Variants in STK33 observed in about 807,000 individuals in gnomAD.
STK33 encodes the protein serine/threonine kinase 33.
Under a neutral mutation model 58.0 loss-of-function variants are expected in STK33, and 52 were observed. That is an observed-to-expected ratio of 0.90 (90% CI 0.72 to 1.13). STK33 has a LOEUF of 1.13. Among genes scored for constraint, STK33 ranks in the 50% most tolerant of loss-of-function variants. The pLI is 0.00. For synonymous variants in STK33, 215 were observed against 200.1 expected, an observed-to-expected ratio of 1.07 and a Z score of -0.63; for missense variants, 630 against 604.2, an observed-to-expected ratio of 1.04 and a Z score of -0.45.
intron 11 of STK33, among the ~76,000 whole-genome samples, chr11:8,441,927 G>A (rs1036316406): frequency 6.6e-6 from 1 of 151,914 alleles, no homozygotes; most frequent in South Asian, 2.1e-4. Flanking sequence ...CATATATTAA[G>A]TGACTTGCCT....
At chr11:8,457,557 C>T in intron 8 of STK33, 78 bp from the exon 9 acceptor site, 1 of 1,171,850 alleles carries the variant, frequency 8.5e-7, no homozygotes, top group Non-Finnish European at 1.2e-6. Flanking sequence ...ATCACATATA[C>T]AATCACAGTC....
intron 15 of STK33, among the ~76,000 whole-genome samples, chr11:8,411,676 G>C (rs761020267): frequency 1.5e-4 from 23 of 152,154 alleles, no homozygotes; most frequent in Non-Finnish European, 2.6e-4. Flanking sequence ...GCCTTCCAGA[G>C]TCTGCTTGAA....
intron 1 of STK33, among the ~76,000 whole-genome samples, chr11:8,529,786 C>A (rs1455556252): frequency 6.6e-6 from 1 of 152,138 alleles, no homozygotes; most frequent in Non-Finnish European, 1.5e-5. Flanking sequence ...CAAGGCAATG[C>A]ATTTTCTTCA....
At chr11:8,475,947 T>G (rs567245633) in intron 4 of STK33, 1 of 152,212 alleles carries the variant, frequency 6.6e-6, no homozygotes, top group African/African-American at 2.4e-5. Flanking sequence ...TAAACTTGAC[T>G]AGAATAGGAA....
At chr11:8,419,292 C>T (rs1941575769) in intron 14 of STK33, among the ~76,000 whole-genome samples, 1 of 152,162 alleles carries the variant, frequency 6.6e-6, no homozygotes, top group South Asian at 2.1e-4. Flanking sequence ...TTTTAATCTT[C>T]TGCATATGGC....
chr11:8,342,818 T>A, the STK33 span, among the ~76,000 whole-genome samples: 1 of 152,158 alleles, frequency 6.6e-6, no homozygotes, highest in Admixed American at 6.5e-5. Context: ...ATCATTACGG[T>A]TATTATTAAG....
intron 1 of STK33, among the ~76,000 whole-genome samples, chr11:8,536,972 ATTTTT>A (rs1232336873): frequency 7.6e-5 from 5 of 65,736 alleles, no homozygotes; most frequent in South Asian, 1.5e-3. Context: ...AAAAAAAAAG[ATTTTT>A]TTTTTTTTTT....
chr11:8,474,645 C>T lies in STK33; in HGVS notation c.225+36G>A, dbSNP rs202145553. 64 of 1,507,752 alleles carry T rather than the reference C, an allele frequency of 4.2e-5. No individual in the cohort carries two copies. The African/African-American group carries it at 8.5e-4, about 20-fold the overall frequency. 93.4% of individuals were successfully genotyped at this position (1,507,752 alleles called of 1,614,324 possible). A position where few individuals can be genotyped will look rare whatever the true frequency, so the allele number is the denominator to read the frequency against. ...GGAGTACCATTAGGGAACGGGATGT[C>T]AACTTGTGCTTAGATGTGGAATCTT... On this transcript the variant is annotated intron_variant, in intron 5 of 15. Coordinates refer to ENST00000687296, the MANE Select transcript of STK33 (RefSeq NM_001352389.2).
the STK33 span, among the ~76,000 whole-genome samples, chr11:8,342,414 T>A: frequency 6.6e-6 from 1 of 152,222 alleles, no homozygotes; most frequent in Non-Finnish European, 1.5e-5. Flanking sequence ...TATGGTAAGA[T>A]GTCATCTTTA....
chr11:8,379,352 C>A, the STK33 span, among the ~76,000 whole-genome samples: 1 of 152,064 alleles, frequency 6.6e-6, no homozygotes, highest in African/African-American at 2.4e-5. Flanking sequence ...TCAGAGTAAA[C>A]AGACAACCCA....
chr11:8,454,631 T>C, intron 10 of STK33, 113 bp downstream of exon 10: 1 of 1,294,442 alleles, frequency 7.7e-7, no homozygotes, highest in Middle Eastern at 1.9e-4. Flanking sequence ...CACAAGCCAC[T>C]TATTTTCTGG....
intron 1 of STK33, among the ~76,000 whole-genome samples, chr11:8,528,677 C>T (rs1954258209): frequency 6.6e-6 from 1 of 152,200 alleles, no homozygotes; most frequent in South Asian, 2.1e-4. Flanking sequence ...CAATTCACGA[C>T]AGTTATGAAA....
intron 1 of STK33, among the ~76,000 whole-genome samples, chr11:8,560,615 T>A (rs772171317): frequency 6.6e-6 from 1 of 152,210 alleles, no homozygotes; most frequent in Non-Finnish European, 1.5e-5. Flanking sequence ...TTGAGAGTTA[T>A]GCTTAGAAAG....
intron 1 of STK33, among the ~76,000 whole-genome samples, chr11:8,592,160 T>C (rs1038953127): frequency 2.0e-5 from 3 of 151,978 alleles, no homozygotes; most frequent in Non-Finnish European, 2.9e-5. Context: ...TATGAAACAG[T>C]TTTCTGCCTT....
At chr11:8,519,605 T>C (rs1953186221) in intron 1 of STK33, among the ~76,000 whole-genome samples, 1 of 151,866 alleles carries the variant, frequency 6.6e-6, no homozygotes, top group Non-Finnish European at 1.5e-5. Context: ...GCAAGACTAA[T>C]AAAGAAGAAA....
intron 11 of STK33, among the ~76,000 whole-genome samples, chr11:8,444,916 A>G (rs1254657043): frequency 2.0e-5 from 3 of 152,144 alleles, no homozygotes; most frequent in Non-Finnish European, 2.9e-5. Flanking sequence ...GTTTTTTCCA[A>G]TTCTGTGAAG....
chr11:8,378,454 G>T, the STK33 span, among the ~76,000 whole-genome samples: 9 of 152,172 alleles, frequency 5.9e-5, no homozygotes, highest in Non-Finnish European at 1.3e-4. Flanking sequence ...GGAGGCAGAG[G>T]TTGCAGTGAG....
At chr11:8,401,953 AAGTC>A (rs1477602627) in intron 15 of STK33, among the ~76,000 whole-genome samples, 1 of 152,178 alleles carries the variant, frequency 6.6e-6, no homozygotes, top group African/African-American at 2.4e-5. Flanking sequence ...GATCATTAAA[AAGTC>A]AGGAAACAAC....
chr11:8,440,609 A>G, intron 12 of STK33, 69 bp downstream of exon 12: 1 of 1,262,028 alleles, frequency 7.9e-7, no homozygotes, highest in South Asian at 1.8e-5. Context: ...TTTTAATTTA[A>G]AGTCTATATC....
Sources: allele counts gnomAD v4.1 joint callset (sites outside exome capture counted in the v4.1 genomes callset), GRCh38; gene constraint gnomAD v4.1.1; transcripts MANE v1.5; gene names NCBI Gene and HGNC (gene_info 2026-07-23, HGNC 2026-07-21).